The following EIF4E3 variants were observed in gnomAD, a reference collection of about 807,000 sequenced individuals.
The protein encoded by EIF4E3 is eukaryotic translation initiation factor 4E family member 3.
In EIF4E3, 26 loss-of-function variants were observed where a neutral mutation model predicts 31.7. The ratio of observed to expected loss-of-function variants is 0.82; its 90% CI spans 0.60 to 1.14. EIF4E3 has a LOEUF of 1.14. Ranked by LOEUF, EIF4E3 falls within the 50% of genes most tolerant of loss-of-function variation. EIF4E3 has a pLI of 0.00. For synonymous variants in EIF4E3, 128 were observed against 107.7 expected (o/e 1.19, Z -1.17); for missense variants, 304 against 270.9 (o/e 1.12, Z -0.86).
At chr3:71,690,361 C>G (rs533557400) in intron 5 of EIF4E3, among the ~76,000 whole-genome samples, 196 bp from the exon 6 acceptor site, 1 of 152,216 alleles carries the variant, frequency 6.6e-6, no homozygotes, top group East Asian at 1.9e-4. Context: ...AAAGCTGTAG[C>G]AGTCACATCA....
chr3:71,753,685 CGGCGGCGGGCCCGGCGGG>C (rs1450801576), upstream of EIF4E3: 1 of 148,752 alleles, frequency 6.7e-6, no homozygotes, highest in African/African-American at 2.5e-5. Context: ...GCGGCAGCGG[CGGCGGCGGGCCCGGCGGG>C]GGGCAGAGCC....
chr3:71,674,333 C>T (rs2048861543), downstream of EIF4E3, among the ~76,000 whole-genome samples: 2 of 151,752 alleles, frequency 1.3e-5, no homozygotes. Flanking sequence ...TCTTGAACTC[C>T]CAGCCTCAGG....
intron 2 of EIF4E3, among the ~76,000 whole-genome samples, chr3:71,707,199 A>G (rs1450126189): frequency 6.6e-6 from 1 of 152,212 alleles, no homozygotes; most frequent in Non-Finnish European, 1.5e-5. Context: ...TCATTGTATC[A>G]TTTAAGTCTC....
chr3:71,716,598 G>T (rs2049470380), intron 1 of EIF4E3, among the ~76,000 whole-genome samples: 1 of 152,144 alleles, frequency 6.6e-6, no homozygotes, highest in Admixed American at 6.6e-5. Flanking sequence ...CACATATCAT[G>T]TTGTACATGC....
intron 1 of EIF4E3, among the ~76,000 whole-genome samples, chr3:71,740,623 A>G (rs1031780558): frequency 6.6e-6 from 1 of 152,202 alleles, no homozygotes; most frequent in African/African-American, 2.4e-5. Context: ...AGTCCCAGCT[A>G]CTTGGGAGGC....
chr3:71,741,925 A>G (rs188050555), intron 1 of EIF4E3, among the ~76,000 whole-genome samples: 197 of 152,344 alleles, frequency 1.3e-3, no homozygotes, highest in Non-Finnish European at 2.0e-3. Context: ...TCATGGATCA[A>G]AAAAGAAATC....
the EIF4E3 span, among the ~76,000 whole-genome samples, chr3:71,669,610 C>A: frequency 1.3e-5 from 2 of 151,664 alleles, no homozygotes; most frequent in Non-Finnish European, 2.9e-5. Context: ...AATCACAAGT[C>A]ACTGATGCAT....
chr3:71,678,961 G>A lies in EIF4E3; in HGVS notation c.*5721C>T, dbSNP rs747972097. 6.6e-6 allele frequency: 1 copy of A among 152,148 alleles called. No individual in the cohort carries two copies. Among genetic ancestry groups the A allele is most frequent in the African/African-American group, 2.4e-5 (1 of 41,430 alleles). The allele number at this position is 152,148 out of a possible 1,614,324, so 9.4% of individuals were successfully genotyped here. On this transcript the variant is annotated 3_prime_UTR_variant, in exon 7 of 7. Transcript: ENST00000425534. ...ATGAGAATATATTCAAAGTCATGGT[G>A]ACTTGTTTTAAATGAATACTGAAAA...
intron 1 of EIF4E3, among the ~76,000 whole-genome samples, chr3:71,721,526 A>C (rs966018494): frequency 2.2e-4 from 34 of 152,284 alleles, no homozygotes; most frequent in African/African-American, 8.2e-4. Context: ...ATATATGTCA[A>C]GGGCAGGACC....
chr3:71,673,127 A>G (rs2048855336), downstream of EIF4E3, among the ~76,000 whole-genome samples: 1 of 152,354 alleles, frequency 6.6e-6, no homozygotes, highest in South Asian at 2.1e-4. Context: ...TGGAGTTCCC[A>G]AACTGCTGAA....
chr3:71,690,658 G>A (rs2049051990), intron 5 of EIF4E3, among the ~76,000 whole-genome samples: 1 of 152,142 alleles, frequency 6.6e-6, no homozygotes, highest in Non-Finnish European at 1.5e-5. Flanking sequence ...GCCCCAACAC[G>A]AACTGGAGCC....
chr3:71,741,190 A>ACG (rs928545442), intron 1 of EIF4E3, among the ~76,000 whole-genome samples: 57 of 145,726 alleles, frequency 3.9e-4, no homozygotes, highest in African/African-American at 1.4e-3. Context: ...ATGCACATGC[A>ACG]CGCGCACACA....
chr3:71,740,851 T>A (rs1190490176), intron 1 of EIF4E3, among the ~76,000 whole-genome samples: 1 of 152,096 alleles, frequency 6.6e-6, no homozygotes, highest in Non-Finnish European at 1.5e-5. Flanking sequence ...AAACCACACA[T>A]CCCAGCCGGC....
the EIF4E3 span, among the ~76,000 whole-genome samples, chr3:71,664,240 C>A: frequency 2.0e-5 from 3 of 152,188 alleles, no homozygotes; most frequent in Admixed American, 2.0e-4. Context: ...GGATACCACA[C>A]AAAACCAGGG....
the EIF4E3 span, among the ~76,000 whole-genome samples, chr3:71,662,073 A>G: frequency 2.0e-5 from 3 of 152,188 alleles, no homozygotes; most frequent in East Asian, 1.9e-4. Flanking sequence ...GTTATCATTA[A>G]TCATATTATA....
At chr3:71,662,026 G>T in the EIF4E3 span, among the ~76,000 whole-genome samples, 1 of 152,160 alleles carries the variant, frequency 6.6e-6, no homozygotes, top group East Asian at 1.9e-4. Context: ...CATGTAATTT[G>T]TAAAAGAGTC....
intron 5 of EIF4E3, among the ~76,000 whole-genome samples, chr3:71,692,970 C>T (rs973710405): frequency 3.3e-5 from 5 of 152,150 alleles, no homozygotes; most frequent in Admixed American, 1.3e-4. Context: ...GAACTGCTCA[C>T]GAGATGAATC....
intron 1 of EIF4E3, among the ~76,000 whole-genome samples, chr3:71,738,185 C>T (rs544450115): frequency 1.2e-4 from 19 of 152,224 alleles, no homozygotes; most frequent in African/African-American, 3.6e-4. Flanking sequence ...TGCTAACAAG[C>T]GCAGACAAGA....
At chr3:71,703,176 T>C (rs1308315845) in intron 2 of EIF4E3, among the ~76,000 whole-genome samples, 2 of 152,212 alleles carry the variant, frequency 1.3e-5, no homozygotes, top group African/African-American at 2.4e-5. Flanking sequence ...ATTCATTCAG[T>C]CAACATCTGT....
Sources: allele counts gnomAD v4.1 joint callset (sites outside exome capture counted in the v4.1 genomes callset), GRCh38; gene constraint gnomAD v4.1.1; transcripts MANE v1.5; gene names NCBI Gene and HGNC (gene_info 2026-07-23, HGNC 2026-07-21).